CCBE1: variants seen among roughly 807,000 people sequenced by gnomAD.
CCBE1 encodes collagen and calcium binding EGF domains 1, also known as collagen and calcium-binding EGF domain-containing protein 1.
In CCBE1, 37 loss-of-function variants were observed where a neutral mutation model predicts 50.0. The ratio of observed to expected loss-of-function variants is 0.74; its 90% CI spans 0.57 to 0.97. CCBE1 has a LOEUF of 0.97. Among genes scored for constraint, CCBE1 ranks in the 50% least tolerant of loss-of-function variants. The pLI, the probability that CCBE1 is intolerant of heterozygous loss-of-function variation, is 0.00. For missense variants in CCBE1, 538 were observed against 523.8 expected (o/e 1.03, Z -0.26); for synonymous variants, 234 against 203.7 (o/e 1.15, Z -1.27).
intron 2 of CCBE1, among the ~76,000 whole-genome samples, chr18:59,651,417 A>C: frequency 6.6e-6 from 1 of 152,210 alleles, no homozygotes; most frequent in Non-Finnish European, 1.5e-5. Flanking sequence ...TTTAAACGAG[A>C]CTGCATGCCA....
intron 7 of CCBE1, among the ~76,000 whole-genome samples, chr18:59,443,836 A>G (rs1010923188): frequency 6.6e-6 from 1 of 152,058 alleles, no homozygotes; most frequent in Non-Finnish European, 1.5e-5. Context: ...TGTGCAACAG[A>G]TCTCTATAAC....
intron 5 of CCBE1, among the ~76,000 whole-genome samples, chr18:59,457,269 G>A (rs891725250): frequency 1.3e-4 from 20 of 152,212 alleles, no homozygotes; most frequent in African/African-American, 4.6e-4. Flanking sequence ...CTGCAGCTGT[G>A]TGATAACGAG....
intron 3 of CCBE1, among the ~76,000 whole-genome samples, chr18:59,478,680 G>A (rs1025116523): frequency 6.6e-6 from 1 of 152,202 alleles, no homozygotes; most frequent in Non-Finnish European, 1.5e-5. Context: ...CATGCAATGT[G>A]TTTTTAATTA....
Position 59,435,821 on chromosome 18 carries a change from T to G in CCBE1, c.*87A>C. 1 of 1,120,078 alleles carries G rather than the reference T, an allele frequency of 8.9e-7. No individual in the cohort carries two copies. The highest frequency in any genetic ancestry group is 1.4e-6 in the Non-Finnish European group (1 of 730,132). 69.4% of individuals were successfully genotyped at this position (1,120,078 alleles called of 1,614,324 possible). A position where few individuals can be genotyped will look rare whatever the true frequency, so the allele number is the denominator to read the frequency against. On this transcript the variant is annotated 3_prime_UTR_variant, in exon 11 of 11. Transcript: ENST00000439986. ...AAGAGAAAAATGTATGTTTTCTAGG[T>G]CTCCAGTGGTCTTTCTTCTCTTTAG...
At chr18:59,538,899 C>G (rs1031778156) in intron 2 of CCBE1, among the ~76,000 whole-genome samples, 6 of 152,176 alleles carry the variant, frequency 3.9e-5, no homozygotes, top group Admixed American at 2.0e-4. Context: ...AAAGACTAGG[C>G]TGGGTTCGTG....
At chr18:59,587,817 T>A (rs2053199771) in intron 2 of CCBE1, among the ~76,000 whole-genome samples, 2 of 152,246 alleles carry the variant, frequency 1.3e-5, no homozygotes, top group Non-Finnish European at 2.9e-5. Flanking sequence ...TAACATAAGT[T>A]TAGCAAGTTT....
intron 2 of CCBE1, among the ~76,000 whole-genome samples, chr18:59,669,273 A>C (rs1270436272): frequency 6.6e-6 from 1 of 152,220 alleles, no homozygotes. Context: ...AAACATTAAA[A>C]GACTTGGACA....
chr18:59,511,854 C>T (rs1914146406), intron 2 of CCBE1, among the ~76,000 whole-genome samples: 1 of 152,146 alleles, frequency 6.6e-6, no homozygotes, highest in Non-Finnish European at 1.5e-5. Flanking sequence ...AGCACAGGAA[C>T]ATGATCAAAA....
At chr18:59,555,055 C>T (rs1010510845) in intron 2 of CCBE1, among the ~76,000 whole-genome samples, 8 of 152,156 alleles carry the variant, frequency 5.3e-5, no homozygotes, top group Non-Finnish European at 1.2e-4. Flanking sequence ...GTATTCTTCC[C>T]CCAACAACTT....
At chr18:59,696,986 G>T (rs1434254070) in intron 1 of CCBE1, among the ~76,000 whole-genome samples, 3 of 152,200 alleles carry the variant, frequency 2.0e-5, no homozygotes, top group Non-Finnish European at 4.4e-5. Flanking sequence ...GGAACGCGGG[G>T]CGAAGGGTAT....
At chr18:59,503,228 C>T (rs967280017) in intron 2 of CCBE1, among the ~76,000 whole-genome samples, 8 of 152,168 alleles carry the variant, frequency 5.3e-5, no homozygotes, top group African/African-American at 1.7e-4. Context: ...TCTTAGGCAG[C>T]GAGCTAGAAA....
At chr18:59,593,054 A>C (rs1311941686) in intron 2 of CCBE1, among the ~76,000 whole-genome samples, 2 of 152,210 alleles carry the variant, frequency 1.3e-5, no homozygotes, top group Non-Finnish European at 2.9e-5. Context: ...ATAGTGGTTA[A>C]TTTGGGAGAT....
chr18:59,573,812 A>C (rs1034429526), intron 2 of CCBE1, among the ~76,000 whole-genome samples: 12 of 152,240 alleles, frequency 7.9e-5, no homozygotes, highest in African/African-American at 2.9e-4. Flanking sequence ...CTATGCTTCC[A>C]TGATTCCATT....
intron 2 of CCBE1, among the ~76,000 whole-genome samples, chr18:59,583,998 G>T: frequency 6.6e-6 from 1 of 151,922 alleles, no homozygotes; most frequent in African/African-American, 2.4e-5. Flanking sequence ...TCCCATTACT[G>T]GGTATATACC....
chr18:59,476,626 C>T (rs189211278), intron 3 of CCBE1, among the ~76,000 whole-genome samples: 1 of 152,374 alleles, frequency 6.6e-6, no homozygotes, highest in Non-Finnish European at 1.5e-5. Flanking sequence ...AGTTAGGGCA[C>T]AGGCCACAGT....
intron 2 of CCBE1, among the ~76,000 whole-genome samples, chr18:59,492,163 A>G (rs898418170): frequency 2.5e-4 from 38 of 150,916 alleles, no homozygotes; most frequent in Non-Finnish European, 4.9e-4. Flanking sequence ...AAAAAAAAAA[A>G]AAAAAGAAAA....
intron 2 of CCBE1, among the ~76,000 whole-genome samples, chr18:59,560,726 G>A (rs1025035972): frequency 6.6e-6 from 1 of 152,204 alleles, no homozygotes; most frequent in African/African-American, 2.4e-5. Flanking sequence ...TGCCCTTCTG[G>A]CTCATAAGAG....
chr18:59,671,499 G>GAA, intron 2 of CCBE1, among the ~76,000 whole-genome samples: 2 of 121,112 alleles, frequency 1.7e-5, no homozygotes, highest in East Asian at 6.1e-4. Flanking sequence ...CCTTGTCTCA[G>GAA]AAAAAAAAAA....
At chr18:59,634,227 A>C (rs1362164198) in intron 2 of CCBE1, among the ~76,000 whole-genome samples, 1 of 152,210 alleles carries the variant, frequency 6.6e-6, no homozygotes, top group Non-Finnish European at 1.5e-5. Context: ...GCAAACACAA[A>C]ACAAAACAAA....
Sources: gnomAD v4.1 joint callset for allele counts (sites outside exome capture counted in the v4.1 genomes callset) on GRCh38, gnomAD v4.1.1 for gene constraint, MANE v1.5 for transcripts, NCBI Gene and HGNC (gene_info 2026-07-23, HGNC 2026-07-21) for gene names.